ELAVL2: variants seen among roughly 807,000 people sequenced by gnomAD.
The protein encoded by ELAVL2 is ELAV like RNA binding protein 2.
ELAVL2 carries 4 observed loss-of-function variants against 34.6 expected under a neutral mutation model. The observed-to-expected ratio is 0.12, with a 90% CI of 0.06 to 0.26. The LOEUF (loss-of-function observed/expected upper bound fraction) is 0.26. Among genes scored for constraint, ELAVL2 ranks in the 10% least tolerant of loss-of-function variants. The pLI is 1.00. For missense variants in ELAVL2, 432 were observed against 442.8 expected (o/e 0.98, Z 0.22); for synonymous variants, 193 against 154.8 (o/e 1.25, Z -1.83).
intron 3 of ELAVL2, among the ~76,000 whole-genome samples, chr9:23,729,330 G>A (rs10966049): frequency 1.5e-3 from 225 of 152,192 alleles, no homozygotes; most frequent in Admixed American, 5.0e-3. Context: ...TAGCAGCAAC[G>A]CTGGAAATCA....
the ELAVL2 span, among the ~76,000 whole-genome samples, chr9:23,842,251 C>A: frequency 6.6e-6 from 1 of 152,112 alleles, no homozygotes; most frequent in Non-Finnish European, 1.5e-5. Context: ...TTGACTCTGA[C>A]ATTTTTCTGT....
intron 1 of ELAVL2, among the ~76,000 whole-genome samples, chr9:23,769,315 G>C (rs976380889): frequency 6.6e-6 from 1 of 152,162 alleles, no homozygotes; most frequent in Non-Finnish European, 1.5e-5. Flanking sequence ...TAAGTCATAT[G>C]AGCTTATAGA....
chr9:23,780,037 T>C (rs1446106510), intron 1 of ELAVL2, among the ~76,000 whole-genome samples: 3 of 118,174 alleles, frequency 2.5e-5, no homozygotes, highest in African/African-American at 9.4e-5. Context: ...AAAAAAAACT[T>C]CATGAACTTC....
intron 1 of ELAVL2, among the ~76,000 whole-genome samples, chr9:23,776,464 G>C (rs2058204095): frequency 6.6e-6 from 1 of 151,420 alleles, no homozygotes; most frequent in South Asian, 2.1e-4. Flanking sequence ...CCAAGGTCTG[G>C]TGTGTAGAAT....
intron 2 of ELAVL2, among the ~76,000 whole-genome samples, chr9:23,759,754 T>TTATATTTATA (rs2054466963): frequency 1.2e-5 from 1 of 81,344 alleles, no homozygotes; most frequent in Non-Finnish European, 2.5e-5. Context: ...ATATATAGTA[T>TTATATTTATA]TATATATATA....
chr9:23,769,094 C>G (rs2056857469), intron 1 of ELAVL2, among the ~76,000 whole-genome samples: 1 of 152,092 alleles, frequency 6.6e-6, no homozygotes, highest in African/African-American at 2.4e-5. Flanking sequence ...CAGAATCAGC[C>G]CAGTACAAAG....
At chr9:23,784,630 T>TA (rs2059465688) in intron 1 of ELAVL2, among the ~76,000 whole-genome samples, 1 of 152,186 alleles carries the variant, frequency 6.6e-6, no homozygotes, top group Non-Finnish European at 1.5e-5. Context: ...AAACTTAAGC[T>TA]ACAGAGATCT....
chr9:23,822,905 G>A (rs571868720), intron 1 of ELAVL2, among the ~76,000 whole-genome samples: 1 of 152,198 alleles, frequency 6.6e-6, no homozygotes, highest in Non-Finnish European at 1.5e-5. Context: ...AGCGCTCCCC[G>A]CCCCCATGCG....
At chr9:23,786,781 C>CAAAAAAA (rs57292061) in intron 1 of ELAVL2, among the ~76,000 whole-genome samples, 1 of 108,140 alleles carries the variant, frequency 9.2e-6, no homozygotes, top group Non-Finnish European at 1.9e-5. Context: ...ATTTTAGTGG[C>CAAAAAAA]AAAAAAAAAA....
chr9:23,775,360 A>T (rs2058022852), intron 1 of ELAVL2, among the ~76,000 whole-genome samples: 1 of 152,216 alleles, frequency 6.6e-6, no homozygotes, highest in Non-Finnish European at 1.5e-5. Flanking sequence ...GCAGAGCAAG[A>T]CCATGTCTCC....
At chr9:23,821,540 G>A (rs957566291) in intron 1 of ELAVL2, 2 of 152,266 alleles carry the variant, frequency 1.3e-5, no homozygotes, top group African/African-American at 4.8e-5. Context: ...CTTAGCCTCG[G>A]CGTCCAAAAT....
chr9:23,803,741 C>T (rs1026411629), intron 1 of ELAVL2, among the ~76,000 whole-genome samples: 7 of 142,896 alleles, frequency 4.9e-5, no homozygotes, highest in Non-Finnish European at 9.3e-5. Flanking sequence ...TGGGGGGTTG[C>T]GGGTGGGGTG....
intron 2 of ELAVL2, among the ~76,000 whole-genome samples, chr9:23,758,298 CT>C (rs965636963): frequency 2.0e-5 from 3 of 152,084 alleles, no homozygotes; most frequent in African/African-American, 7.2e-5. Flanking sequence ...AGTATGCCTA[CT>C]TTTCAAAGTA....
chr9:23,800,287 A>G (rs2061427718), intron 1 of ELAVL2, among the ~76,000 whole-genome samples: 1 of 152,206 alleles, frequency 6.6e-6, no homozygotes, highest in South Asian at 2.1e-4. Context: ...ATCAAGTCCT[A>G]AAACAGTAGA....
chr9:23,775,238 A>AT (rs35264216), intron 1 of ELAVL2, among the ~76,000 whole-genome samples: 5,403 of 152,218 alleles, frequency 0.035, 106 homozygotes, highest in East Asian at 0.071. Context: ...CAAGCTAGAT[A>AT]TTTACAAACA....
chr9:23,704,220 C>T (rs992314741), intron 4 of ELAVL2, among the ~76,000 whole-genome samples: 6 of 151,624 alleles, frequency 4.0e-5, no homozygotes, highest in Admixed American at 3.3e-4. Flanking sequence ...GCATGAGCCA[C>T]TGTGCCTGGC....
At chr9:23,732,299 A>C (rs2046769862) in intron 2 of ELAVL2, among the ~76,000 whole-genome samples, 1 of 152,224 alleles carries the variant, frequency 6.6e-6, no homozygotes, top group South Asian at 2.1e-4. Flanking sequence ...GTTACCACAT[A>C]AACGAAAAGA....
chr9:23,762,302 G>T, intron 1 of ELAVL2, 53 bp from the exon 2 acceptor site: 1 of 1,579,778 alleles, frequency 6.3e-7, no homozygotes, highest in South Asian at 1.2e-5. Flanking sequence ...CAACCTATTA[G>T]AGACTCCATC....
intron 3 of ELAVL2, among the ~76,000 whole-genome samples, chr9:23,713,983 T>A (rs2041682609): frequency 1.3e-5 from 2 of 152,220 alleles, no homozygotes; most frequent in South Asian, 4.1e-4. Context: ...TCACAGTACT[T>A]ACCTCATGGA....
Sources: allele counts gnomAD v4.1 joint callset (sites outside exome capture counted in the v4.1 genomes callset), GRCh38; gene constraint gnomAD v4.1.1; transcripts MANE v1.5; gene names NCBI Gene and HGNC (gene_info 2026-07-23, HGNC 2026-07-21).